CCDC92B: variants seen among roughly 807,000 people sequenced by gnomAD.
The protein encoded by CCDC92B is coiled-coil domain-containing 92B.
CCDC92B carries 2 observed loss-of-function variants against 5.6 expected under a neutral mutation model. The observed-to-expected ratio is 0.36, with a 90% CI of 0.15 to 1.12. CCDC92B has a LOEUF of 1.12. CCDC92B is among the 50% of genes most tolerant of loss of function. The pLI is 0.40. For missense variants in CCDC92B, 271 were observed against 262.2 expected (o/e 1.03, Z -0.23); for synonymous variants, 115 against 122.3 (o/e 0.94, Z 0.39).
At position 2,748,657 on chromosome 17, in the gene CCDC92B, G is replaced by A. The variant is rs561396003; in HGVS notation, c.-24+754C>T. On this transcript the variant is annotated intron_variant, in intron 1 of 3. Transcript: ENST00000614400. ...CCACAATGAATGCTGCTGAAACAGG[G>A]AGAATGGATTGAGTCTTACTGGGAA... Among the ~76,000 whole-genome samples, 3 of 152,292 alleles carry A rather than the reference G, an allele frequency of 2.0e-5. No homozygotes were observed. In the South Asian group the frequency reaches 6.2e-4, roughly 32 times the overall value.
chr17:2,733,676 T>C (rs533604936), intron 2 of CCDC92B, among the ~76,000 whole-genome samples: 65 of 150,668 alleles, frequency 4.3e-4, no homozygotes, highest in Admixed American at 1.5e-3. Context: ...CAGGGGAGAT[T>C]AGAATGTGGC....
chr17:2,724,090 G>C lies in CCDC92B; in HGVS notation c.*321C>G, dbSNP rs2070692986. 3.3e-5 allele frequency: 32 copies of C among 983,942 alleles called. No homozygotes were observed. Among genetic ancestry groups the C allele is most frequent in the East Asian group, 1.1e-4 (1 of 8,766 alleles). 61.0% of individuals were successfully genotyped at this position (983,942 alleles called of 1,614,324 possible). A position where few individuals can be genotyped will look rare whatever the true frequency, so the allele number is the denominator to read the frequency against. ...AAGGATTGTCGGCTTTCCCGGGGAA[G>C]GGCGTGGCCCCCGCCCCTCCTGTCT... On this transcript the variant is annotated 3_prime_UTR_variant, in exon 4 of 4. Transcript: ENST00000614400. This position sits in a 1 kb window ranked among gnomAD's most constrained non-coding sequence, Gnocchi z 5.0.
At chr17:2,730,575 G>C in intron 2 of CCDC92B, 82 bp from the exon 3 acceptor site, 1 of 652,236 alleles carries the variant, frequency 1.5e-6, no homozygotes, top group Admixed American at 6.4e-5. Flanking sequence ...GAGAGAGAGA[G>C]AGAGAGAGAG....
chr17:2,741,195 T>A (rs2070923026), intron 1 of CCDC92B, among the ~76,000 whole-genome samples: 1 of 151,998 alleles, frequency 6.6e-6, no homozygotes, highest in South Asian at 2.1e-4. Context: ...AAGTAAGTGA[T>A]CACAATGATA....
At chr17:2,739,617 G>A (rs1276263500) in intron 1 of CCDC92B, among the ~76,000 whole-genome samples, 1 of 151,880 alleles carries the variant, frequency 6.6e-6, no homozygotes, top group Admixed American at 6.6e-5. Flanking sequence ...GGGAGGTGGA[G>A]CTTGCAGTGA....
chr17:2,726,913 C>CTTT (rs564106911), intron 3 of CCDC92B, among the ~76,000 whole-genome samples: 25 of 135,576 alleles, frequency 1.8e-4, no homozygotes, highest in African/African-American at 5.0e-4. Flanking sequence ...ACGCCCAGCC[C>CTTT]TTTTTTTTTT....
rs34349370 is a variant in CCDC92B at position 2,740,965 on chromosome 17, CAAAAAA to C, written c.-23-5803_-23-5798del. 2.7e-4 allele frequency among the ~76,000 whole-genome samples: 14 copies of C among 50,930 alleles called. No individual in the cohort carries two copies. In the South Asian group the frequency reaches 9.4e-3, roughly 34 times the overall value. The allele number at this position is 50,930 out of a possible 152,430, so 33.4% of individuals were successfully genotyped here. The stretch of plus-strand genomic sequence containing the variant: ...CTGGTGACAGACAAAGACCCTGTCT[CAAAAAA>C]AAAAAAAAAAAAAAAAAAAAAGAGC... On this transcript the variant is annotated intron_variant, in intron 1 of 3. Transcript: ENST00000614400.
intron 1 of CCDC92B, among the ~76,000 whole-genome samples, chr17:2,744,847 G>C (rs2070967422): frequency 6.6e-6 from 1 of 152,074 alleles, no homozygotes; most frequent in African/African-American, 2.4e-5. Flanking sequence ...GATCGTGTGT[G>C]CCCAGGAGTT....
chr17:2,735,788 T>G (rs760436813), intron 1 of CCDC92B, among the ~76,000 whole-genome samples: 1 of 152,102 alleles, frequency 6.6e-6, no homozygotes, highest in East Asian at 1.9e-4. Flanking sequence ...AGTGGCAAAG[T>G]CAGTAGAGAG....
At chr17:2,733,462 T>C (rs895129133) in intron 2 of CCDC92B, among the ~76,000 whole-genome samples, 5 of 151,028 alleles carry the variant, frequency 3.3e-5, no homozygotes, top group East Asian at 1.9e-4. Context: ...TTTCTCCATG[T>C]TGGTCAGGCT....
chr17:2,725,106 C>T, intron 3 of CCDC92B, 106 bp from the exon 4 acceptor site: 3 of 985,722 alleles, frequency 3.0e-6, no homozygotes, highest in Non-Finnish European at 3.6e-6. Context: ...GGCGCGGGGC[C>T]TCATTTCTGC....
intron 1 of CCDC92B, among the ~76,000 whole-genome samples, chr17:2,738,806 C>A (rs2070885729): frequency 6.6e-6 from 1 of 150,696 alleles, no homozygotes; most frequent in Admixed American, 6.6e-5. Context: ...CACAGTGGCT[C>A]ACGCCTGTAA....
Position 2,724,443 on chromosome 17 carries a change from T to TGGGCGC in CCDC92B, c.730_735dup (p.Ala244_Pro245dup). On this transcript the variant is annotated inframe_insertion, in exon 4 of 4. Transcript: ENST00000614400. The surrounding 1 kb of genome is among the most constrained non-coding windows in gnomAD (Gnocchi z 5.0). ...GGGTCCCCGGGCGCGCTGGGCTGGC[T>TGGGCGC]GGGCGCGGGCTGCGGGCCGGCTCGG... The TGGGCGC allele has an allele frequency of 1.0e-6, 1 of 984,194 alleles. No individual in the cohort carries two copies. Among genetic ancestry groups the TGGGCGC allele is most frequent in the Non-Finnish European group, 1.2e-6 (1 of 829,576 alleles). The allele number at this position is 984,194 out of a possible 1,614,324, so 61.0% of individuals were successfully genotyped here. A position where few individuals can be genotyped will look rare whatever the true frequency, so the allele number is the denominator to read the frequency against.
chr17:2,729,148 A>G (rs1411131338), intron 3 of CCDC92B, among the ~76,000 whole-genome samples: 1 of 152,128 alleles, frequency 6.6e-6, no homozygotes, highest in Non-Finnish European at 1.5e-5. Context: ...TTGGGATTAC[A>G]GGCGTGAGCC....
chr17:2,748,280 G>A (rs994709955), intron 1 of CCDC92B: 1 of 1,069,422 alleles, frequency 9.4e-7, no homozygotes, highest in Admixed American at 2.3e-5. Flanking sequence ...CCATCCTTCA[G>A]GGCCTTGCTC....
At chr17:2,741,551 C>T (rs1436670479) in intron 1 of CCDC92B, among the ~76,000 whole-genome samples, 1 of 151,316 alleles carries the variant, frequency 6.6e-6, no homozygotes, top group African/African-American at 2.4e-5. Flanking sequence ...TTGAGGTGTC[C>T]ACCTGTAGTC....
rs1044835382 is a variant in CCDC92B, at chr17:2,735,088, G to A, written c.58C>T (p.Leu20=). ...IQSVQRHISF[L]KKEQMALLRD... is the part of the protein sequence containing the mutation. ...AGCAGGGCCATCTGCTCCTTTTTCA[G>A]GAAGCTGATGTGGCGTTGCACGCTC... Residue 20 remains leucine, a synonymous_variant, in exon 2 of 4, where the codon CTG becomes TTG. Coordinates refer to ENST00000614400, the MANE Select transcript of CCDC92B (RefSeq NM_001355573.2). 5.1e-6 allele frequency: 5 copies of A among 985,444 alleles called. No individual in the cohort carries two copies. Among genetic ancestry groups the A allele is most frequent in the Non-Finnish European group, 6.0e-6 (5 of 830,016 alleles). The allele number at this position is 985,444 out of a possible 1,614,324, so 61.0% of individuals were successfully genotyped here.
intron 1 of CCDC92B, among the ~76,000 whole-genome samples, chr17:2,737,698 G>C (rs1001699856): frequency 1.3e-5 from 2 of 151,660 alleles, no homozygotes; most frequent in Non-Finnish European, 2.9e-5. Flanking sequence ...GGATGGTCTC[G>C]ATCTCCTGAC....
Position 2,724,389 on chromosome 17 carries a change from G to A in CCDC92B, c.*22C>T. 1 of 984,942 alleles carries A rather than the reference G, an allele frequency of 1.0e-6. No homozygotes were observed. Among genetic ancestry groups the A allele is most frequent in the Non-Finnish European group, 1.2e-6 (1 of 829,772 alleles). 61.0% of individuals were successfully genotyped at this position (984,942 alleles called of 1,614,324 possible). A position where few individuals can be genotyped will look rare whatever the true frequency, so the allele number is the denominator to read the frequency against. On this transcript the variant is annotated 3_prime_UTR_variant, in exon 4 of 4. Coordinates refer to ENST00000614400, the MANE Select transcript of CCDC92B (RefSeq NM_001355573.2). The surrounding 1 kb of genome is among the most constrained non-coding windows in gnomAD (Gnocchi z 5.0). ...GGCCGGCCCTCCCCGTCCGTCCCGC[G>A]TCACCCCGGCCAGCCTGGCGCCTAC... is the stretch of plus-strand genomic sequence containing the variant.
Sources: gnomAD v4.1 joint callset for allele counts (sites outside exome capture counted in the v4.1 genomes callset) on GRCh38, gnomAD v4.1.1 for gene constraint, Gnocchi (gnomAD v3.1) non-coding constraint, MANE v1.5 for transcripts, NCBI Gene and HGNC (gene_info 2026-07-23, HGNC 2026-07-21) for gene names.